The following RFC1 variants were observed in gnomAD, a reference collection of about 807,000 sequenced individuals.
RFC1 encodes the protein replication factor C subunit 1, also known as A1 140 kDa subunit.
Under a neutral mutation model 137.4 loss-of-function variants are expected in RFC1, and 37 were observed. That is an observed-to-expected ratio of 0.27 (90% CI 0.21 to 0.35). RFC1 has a LOEUF of 0.35. Ranked by LOEUF, RFC1 falls within the 10% of genes least tolerant of loss-of-function variation. The pLI is 1.00. For missense variants in RFC1, 1,205 were observed against 1,358.5 expected, an observed-to-expected ratio of 0.89 and a Z score of 1.78; for synonymous variants, 429 against 455.7, an observed-to-expected ratio of 0.94 and a Z score of 0.75.
intron 4 of RFC1, among the ~76,000 whole-genome samples, chr4:39,336,923 A>C (rs1740380200): frequency 6.6e-6 from 1 of 152,270 alleles, no homozygotes; most frequent in Admixed American, 6.5e-5. Context: ...AATTTTAATA[A>C]TGATTCAGGA....
chr4:39,327,551 C>A lies in RFC1; in HGVS notation c.537G>T (p.Lys179Asn), dbSNP rs1176744586. The A allele has an allele frequency of 2.5e-6, 4 of 1,611,216 alleles. No individual in the cohort carries two copies. In the East Asian group the frequency reaches 8.9e-5, roughly 36 times the overall value. The change falls in exon 5 of 25, where the codon AAG (lysine) becomes AAT (asparagine). Residue 179 changes from lysine (K) to asparagine (N), a missense_variant. This residue lies in a region of RFC1 where 962 missense variants were observed against 1,035.3 expected (regional missense o/e 0.93). Coordinates refer to ENST00000349703, the MANE Select transcript of RFC1 (RefSeq NM_002913.5). ...CTTTTCTTTTGCTTGCCACCATCTTCTTATTAGATCTTTGGACACTTCCAG... is the reference window on the plus strand; with the variant it reads ...CTTTTCTTTTGCTTGCCACCATCTTATTATTAGATCTTTGGACACTTCCAG... The part of the protein sequence containing the change: ...FGTGSVQRSN[K>N]KMVASKRKEL...
intron 3 of RFC1, 60 bp from the exon 4 acceptor site, chr4:39,342,527 G>A: frequency 1.3e-6 from 2 of 1,524,222 alleles, no homozygotes; most frequent in East Asian, 2.3e-5. Flanking sequence ...TATAGTGCAT[G>A]TTTAAAGTAG....
At chr4:39,336,266 GAAGCC>G (rs1248455399) in intron 4 of RFC1, among the ~76,000 whole-genome samples, 2 of 152,054 alleles carry the variant, frequency 1.3e-5, no homozygotes, top group African/African-American at 4.8e-5. Flanking sequence ...ATATAAAATA[GAAGCC>G]CCTGAAGATT....
intron 9 of RFC1, among the ~76,000 whole-genome samples, chr4:39,317,647 A>G (rs763122950): frequency 6.6e-6 from 1 of 152,228 alleles, no homozygotes; most frequent in Non-Finnish European, 1.5e-5. Flanking sequence ...GAAACTTTTC[A>G]AACTATGCAT....
chr4:39,365,745 C>T (rs1741989440), intron 1 of RFC1, among the ~76,000 whole-genome samples: 1 of 152,078 alleles, frequency 6.6e-6, no homozygotes, highest in African/African-American at 2.4e-5. Flanking sequence ...TCGTTAATGA[C>T]GAGCGGAGAT....
chr4:39,366,352 A>G lies in RFC1; in HGVS notation c.-111T>C, dbSNP rs1011706770. On this transcript the variant is annotated 5_prime_UTR_variant, in exon 1 of 25. Coordinates refer to ENST00000349703, the MANE Select transcript of RFC1 (RefSeq NM_002913.5). The stretch of plus-strand genomic sequence containing the variant: ...AACAACTTCTCCCGCGAAGTGCAAG[A>G]AGGCGAAGACAGTGGCGCGCGGTGA... The G allele has an allele frequency of 4.1e-5, 53 of 1,307,400 alleles. No individual in the cohort carries two copies. The African/African-American group carries it at 7.6e-4, about 19-fold the overall frequency. 81.0% of individuals were successfully genotyped at this position (1,307,400 alleles called of 1,614,324 possible).
At chr4:39,334,858 C>T (rs1052815688) in intron 4 of RFC1, among the ~76,000 whole-genome samples, 1 of 152,214 alleles carries the variant, frequency 6.6e-6, no homozygotes, top group Non-Finnish European at 1.5e-5. Flanking sequence ...TTATCCTACA[C>T]ACAGCAGAGG....
chr4:39,337,177 C>T (rs1740396061), intron 4 of RFC1, among the ~76,000 whole-genome samples: 1 of 152,076 alleles, frequency 6.6e-6, no homozygotes, highest in African/African-American at 2.4e-5. Context: ...GAGTTCGAGA[C>T]CAGCCTGACC....
chr4:39,348,422 C>CAAAAAAGAAAAGAA (rs1740974683), intron 2 of RFC1, among the ~76,000 whole-genome samples: 1 of 46,138 alleles, frequency 2.2e-5, no homozygotes, highest in Non-Finnish European at 4.4e-5. Flanking sequence ...GACTCTGTTT[C>CAAAAAAGAAAAGAA]AAAAAAGAAA....
intron 1 of RFC1, chr4:39,356,017 A>AAC (rs1553927430): frequency 1.3e-5 from 2 of 151,268 alleles, no homozygotes; most frequent in Non-Finnish European, 2.9e-5. Flanking sequence ...AAAAAAAAAA[A>AAC]ACACTGGTAT....
intron 4 of RFC1, among the ~76,000 whole-genome samples, chr4:39,333,017 C>T (rs570642075): frequency 1.3e-5 from 2 of 152,240 alleles, no homozygotes; most frequent in African/African-American, 4.8e-5. Context: ...CATGTTACAG[C>T]CATTCAATAA....
At chr4:39,344,915 T>A (rs1740773205) in intron 3 of RFC1, among the ~76,000 whole-genome samples, 1 of 152,200 alleles carries the variant, frequency 6.6e-6, no homozygotes, top group South Asian at 2.1e-4. Context: ...AGTTCTATAA[T>A]AAAATTGTTT....
chr4:39,288,621 C>T lies in RFC1; in HGVS notation c.*140G>A. ...TGCTCATACCCTTCTAGCCATACCA[C>T]CCTTTATTTATAATGGGACACCAGG... On this transcript the variant is annotated 3_prime_UTR_variant, in exon 25 of 25. Transcript: ENST00000349703. 1.5e-6 allele frequency: 1 copy of T among 646,118 alleles called. No homozygotes were observed. The allele number at this position is 646,118 out of a possible 1,614,324, so 40.0% of individuals were successfully genotyped here.
Position 39,288,722 on chromosome 4 carries a change from G to A in RFC1, c.*39C>T, listed in dbSNP as rs1269295082. ...TCTAGACCAGCTGGACTGGTCAGGAGGGAGAGTAAAAAGTGGCTGTCGCTA... is the reference window on the plus strand; with the variant it reads ...TCTAGACCAGCTGGACTGGTCAGGAAGGAGAGTAAAAAGTGGCTGTCGCTA... On this transcript the variant is annotated 3_prime_UTR_variant, in exon 25 of 25. Coordinates refer to ENST00000349703, the MANE Select transcript of RFC1 (RefSeq NM_002913.5). 3 of 1,304,094 alleles carry A rather than the reference G, an allele frequency of 2.3e-6. No individual in the cohort carries two copies. Among genetic ancestry groups the A allele is most frequent in the Non-Finnish European group, 3.3e-6 (3 of 900,098 alleles). 80.8% of individuals were successfully genotyped at this position (1,304,094 alleles called of 1,614,324 possible).
chr4:39,349,114 A>G (rs2109751771), intron 2 of RFC1, among the ~76,000 whole-genome samples: 1 of 152,312 alleles, frequency 6.6e-6, no homozygotes, highest in South Asian at 2.1e-4. Flanking sequence ...TATCACCCAT[A>G]TCTGATTTGG....
At chr4:39,349,408 A>G (rs574220050) in intron 2 of RFC1, among the ~76,000 whole-genome samples, 6 of 152,310 alleles carry the variant, frequency 3.9e-5, no homozygotes, top group Non-Finnish European at 8.8e-5. Context: ...TTAGCATTCT[A>G]TAAGAACAGA....
chr4:39,300,455 T>C, intron 19 of RFC1, 41 bp from the exon 20 acceptor site: 1 of 1,463,854 alleles, frequency 6.8e-7, no homozygotes, highest in Admixed American at 1.7e-5. Context: ...ATGGCCAAAA[T>C]TCAAAACGGT....
intron 13 of RFC1, among the ~76,000 whole-genome samples, chr4:39,307,849 A>T (rs1738761314): frequency 6.6e-6 from 1 of 152,226 alleles, no homozygotes. Context: ...GTCCTGTATC[A>T]TTACAATATA....
chr4:39,366,070 A>G (rs1362338506), intron 1 of RFC1, among the ~76,000 whole-genome samples, 169 bp downstream of exon 1: 1 of 152,142 alleles, frequency 6.6e-6, no homozygotes, highest in Non-Finnish European at 1.5e-5. Flanking sequence ...CGATGCAATG[A>G]AAGTTTTGCG....
Sources: allele counts gnomAD v4.1 joint callset (sites outside exome capture counted in the v4.1 genomes callset), GRCh38; gene constraint gnomAD v4.1.1; regional missense constraint gnomAD v4.1.1; transcripts MANE v1.5; gene names NCBI Gene and HGNC (gene_info 2026-07-23, HGNC 2026-07-21).